Variants in GABRB2 observed in about 807,000 individuals in gnomAD.
GABRB2 encodes the protein gamma-aminobutyric acid type A receptor subunit beta2, also known as gamma-aminobutyric acid receptor subunit beta-2.
A neutral mutation model predicts 54.7 loss-of-function variants in GABRB2; 16 were observed. The ratio of observed to expected loss-of-function variants is 0.29; its 90% CI spans 0.20 to 0.44. The LOEUF is 0.44. Among genes scored for constraint, GABRB2 ranks in the 20% least tolerant of loss-of-function variants. The pLI, the probability that GABRB2 is intolerant of heterozygous loss-of-function variation, is 1.00. For synonymous variants in GABRB2, 244 were observed against 233.8 expected, an observed-to-expected ratio of 1.04 and a Z score of -0.40; for missense variants, 355 against 644.0, an observed-to-expected ratio of 0.55 and a Z score of 4.86.
At chr5:161,313,355 C>A (rs943472700) in intron 9 of GABRB2, among the ~76,000 whole-genome samples, 2 of 152,002 alleles carry the variant, frequency 1.3e-5, no homozygotes, top group South Asian at 2.1e-4. Flanking sequence ...CTGAGCAGCT[C>A]TTTGCGCCCC....
chr5:161,499,413 C>G (rs888949192), intron 3 of GABRB2, among the ~76,000 whole-genome samples: 1 of 152,104 alleles, frequency 6.6e-6, no homozygotes, highest in Non-Finnish European at 1.5e-5. Context: ...AACATAAAGA[C>G]TAGCTAACTT....
At chr5:161,456,783 G>A (rs1757966538) in intron 4 of GABRB2, among the ~76,000 whole-genome samples, 3 of 152,264 alleles carry the variant, frequency 2.0e-5, no homozygotes, top group Admixed American at 1.3e-4. Flanking sequence ...ACTATTTTAA[G>A]TGTCATTTCA....
At chr5:161,508,509 G>A (rs759406346) in intron 3 of GABRB2, among the ~76,000 whole-genome samples, 3 of 151,716 alleles carry the variant, frequency 2.0e-5, no homozygotes, top group Non-Finnish European at 2.9e-5. Context: ...ATGCCAAAAC[G>A]AGTAACTTAT....
At chr5:161,452,423 G>A (rs1757815436) in intron 4 of GABRB2, among the ~76,000 whole-genome samples, 1 of 152,160 alleles carries the variant, frequency 6.6e-6, no homozygotes, top group Admixed American at 6.5e-5. Flanking sequence ...CCTGTCCATT[G>A]TAATTATTCA....
chr5:161,443,517 C>A (rs1324480810), intron 4 of GABRB2, among the ~76,000 whole-genome samples: 1 of 152,174 alleles, frequency 6.6e-6, no homozygotes, highest in Non-Finnish European at 1.5e-5. Context: ...TATTTAGTGA[C>A]ACAGATTTTA....
intron 3 of GABRB2, among the ~76,000 whole-genome samples, chr5:161,525,523 T>C (rs1760251085): frequency 6.6e-6 from 1 of 151,246 alleles, no homozygotes; most frequent in Admixed American, 6.6e-5. Flanking sequence ...ACACTTCTCT[T>C]GATACATCAA....
At chr5:161,324,637 C>A (rs1758311380) in intron 9 of GABRB2, among the ~76,000 whole-genome samples, 1 of 151,992 alleles carries the variant, frequency 6.6e-6, no homozygotes, top group Non-Finnish European at 1.5e-5. Flanking sequence ...CTTCCCAGTA[C>A]CTTTTGCAAT....
intron 5 of GABRB2, among the ~76,000 whole-genome samples, chr5:161,374,435 G>A (rs1183240511): frequency 2.0e-5 from 3 of 152,116 alleles, no homozygotes; most frequent in Non-Finnish European, 4.4e-5. Flanking sequence ...TAACTCCTCA[G>A]TTCTCTCAAG....
chr5:161,410,415 C>T (rs1236819557), intron 5 of GABRB2, among the ~76,000 whole-genome samples: 1 of 151,826 alleles, frequency 6.6e-6, no homozygotes, highest in Admixed American at 6.6e-5. Flanking sequence ...CACACACACA[C>T]ACACACACTC....
chr5:161,526,003 A>G (rs1389067738), intron 3 of GABRB2, among the ~76,000 whole-genome samples: 1 of 151,234 alleles, frequency 6.6e-6, no homozygotes, highest in African/African-American at 2.4e-5. Context: ...TTCTCCTACA[A>G]TTTCTGAGCT....
At chr5:161,461,827 A>G (rs1020208847) in intron 3 of GABRB2, among the ~76,000 whole-genome samples, 1 of 152,190 alleles carries the variant, frequency 6.6e-6, no homozygotes, top group African/African-American at 2.4e-5. Context: ...ATGAAATAAT[A>G]TATGTCCAGT....
At chr5:161,487,779 C>A (rs901411068) in intron 3 of GABRB2, among the ~76,000 whole-genome samples, 15 of 151,828 alleles carry the variant, frequency 9.9e-5, no homozygotes, top group Admixed American at 9.2e-4. Context: ...ATAGTAAACA[C>A]TGGATAAATG....
intron 5 of GABRB2, among the ~76,000 whole-genome samples, chr5:161,379,565 T>A (rs1365830914): frequency 6.6e-6 from 1 of 152,164 alleles, no homozygotes; most frequent in African/African-American, 2.4e-5. Context: ...CAAATTTCAT[T>A]CCATTTCTAT....
chr5:161,379,594 C>T (rs1224326060), intron 5 of GABRB2, among the ~76,000 whole-genome samples: 1 of 152,128 alleles, frequency 6.6e-6, no homozygotes, highest in East Asian at 1.9e-4. Flanking sequence ...TTCGCCTCTT[C>T]AGGTGCTGAA....
intron 5 of GABRB2, among the ~76,000 whole-genome samples, chr5:161,405,986 G>A (rs1414418962): frequency 3.9e-5 from 6 of 152,108 alleles, no homozygotes; most frequent in Non-Finnish European, 8.8e-5. Flanking sequence ...TCTATCTTCT[G>A]CCTTCCTAAA....
intron 3 of GABRB2, among the ~76,000 whole-genome samples, chr5:161,532,653 T>C (rs531628822): frequency 7.2e-5 from 11 of 152,284 alleles, no homozygotes; most frequent in African/African-American, 2.6e-4. Context: ...CCCTCAACTC[T>C]TCACTTCCCC....
intron 4 of GABRB2, among the ~76,000 whole-genome samples, chr5:161,451,215 G>A (rs1333190568): frequency 6.6e-6 from 1 of 152,112 alleles, no homozygotes; most frequent in African/African-American, 2.4e-5. Flanking sequence ...ATACAAAGCA[G>A]GAGGTGGTTG....
At chr5:161,476,054 C>CA (rs1307795028) in intron 3 of GABRB2, among the ~76,000 whole-genome samples, 2 of 151,816 alleles carry the variant, frequency 1.3e-5, no homozygotes, top group Admixed American at 6.6e-5. Flanking sequence ...AAATATTCCA[C>CA]AAAAAACTGT....
chr5:161,477,151 T>G (rs140006812), intron 3 of GABRB2, among the ~76,000 whole-genome samples: 3 of 151,778 alleles, frequency 2.0e-5, no homozygotes, highest in Non-Finnish European at 4.4e-5. Flanking sequence ...AAAGATAATA[T>G]ATAAATGACC....
Sources: allele counts gnomAD v4.1 joint callset (sites outside exome capture counted in the v4.1 genomes callset), GRCh38; gene constraint gnomAD v4.1.1; transcripts MANE v1.5; gene names NCBI Gene and HGNC (gene_info 2026-07-23, HGNC 2026-07-21).